The following KSR2 variants were observed in gnomAD, a reference collection of about 807,000 sequenced individuals.
KSR2 encodes the protein kinase suppressor of ras 2.
KSR2 carries 25 observed loss-of-function variants against 107.8 expected under a neutral mutation model. The observed-to-expected ratio is 0.23, with a 90% CI of 0.17 to 0.32. The LOEUF is 0.32. Among genes scored for constraint, KSR2 ranks in the 10% least tolerant of loss-of-function variants. The pLI, the probability that KSR2 is intolerant of heterozygous loss-of-function variation, is 1.00. For synonymous variants in KSR2, 480 were observed against 507.0 expected (o/e 0.95, Z 0.71); for missense variants, 887 against 1,268.9 (o/e 0.70, Z 4.57).
Position 117,483,055 on chromosome 12 carries a change from A to G in KSR2, c.2450+1361T>C, listed in dbSNP as rs926558643. Among the ~76,000 whole-genome samples, 4 of 152,336 alleles carry G rather than the reference A, an allele frequency of 2.6e-5. No individual in the cohort carries two copies. The South Asian group carries it at 8.3e-4, about 32-fold the overall frequency. On this transcript the variant is annotated intron_variant, in intron 16 of 19. Coordinates refer to ENST00000339824, the MANE Select transcript of KSR2 (RefSeq NM_173598.6). Reference sequence around the variant, plus strand: ...AGTCAGAGGGAAGAAGGGATTCTACACAGTCTTGCCCTCCCGGGCTTCTTG... The same window carrying G: ...AGTCAGAGGGAAGAAGGGATTCTACGCAGTCTTGCCCTCCCGGGCTTCTTG...
At chr12:117,505,187 A>T (rs182961216) in intron 14 of KSR2, among the ~76,000 whole-genome samples, 1 of 152,208 alleles carries the variant, frequency 6.6e-6, no homozygotes, top group African/African-American at 2.4e-5. Flanking sequence ...GTGTCTTGGC[A>T]ATTGTGAATT....
intron 5 of KSR2, among the ~76,000 whole-genome samples, chr12:117,656,515 G>A (rs1160569821): frequency 2.0e-5 from 3 of 152,228 alleles, no homozygotes; most frequent in Non-Finnish European, 4.4e-5. Context: ...TCAGGAGGCT[G>A]AGGCAGGAGA....
intron 1 of KSR2, among the ~76,000 whole-genome samples, chr12:117,891,811 A>G (rs1894351251): frequency 6.6e-6 from 1 of 151,692 alleles, no homozygotes; most frequent in Non-Finnish European, 1.5e-5. Flanking sequence ...ACACAGGGAG[A>G]CCCTGTCTCT....
intron 3 of KSR2, among the ~76,000 whole-genome samples, chr12:117,855,105 G>A (rs565539937): frequency 3.9e-5 from 6 of 152,168 alleles, no homozygotes; most frequent in Non-Finnish European, 5.9e-5. Flanking sequence ...GCAAAGCCAC[G>A]TCAGAATGTC....
chr12:117,684,911 G>A (rs944129384), intron 4 of KSR2, among the ~76,000 whole-genome samples: 7 of 152,104 alleles, frequency 4.6e-5, no homozygotes, highest in East Asian at 1.9e-4. Context: ...AGAGTTGATC[G>A]CATGTGTTCC....
intron 3 of KSR2, among the ~76,000 whole-genome samples, chr12:117,830,416 G>A (rs1891916622): frequency 6.6e-6 from 1 of 152,092 alleles, no homozygotes; most frequent in African/African-American, 2.4e-5. Flanking sequence ...CACTACCTGG[G>A]TGATGGGATT....
intron 3 of KSR2, among the ~76,000 whole-genome samples, chr12:117,808,361 T>C (rs1489843096): frequency 6.6e-6 from 1 of 152,012 alleles, no homozygotes; most frequent in Non-Finnish European, 1.5e-5. Context: ...CCCCGCCTCC[T>C]AGATCCTGGG....
chr12:117,742,187 G>C (rs1485465379), intron 4 of KSR2, among the ~76,000 whole-genome samples: 1 of 152,210 alleles, frequency 6.6e-6, no homozygotes, highest in Admixed American at 6.5e-5. Flanking sequence ...ACAGGAGAAA[G>C]CAAGTCCCAG....
At chr12:117,803,275 G>A (rs960759754) in intron 3 of KSR2, among the ~76,000 whole-genome samples, 4 of 152,170 alleles carry the variant, frequency 2.6e-5, no homozygotes, top group Non-Finnish European at 4.4e-5. Context: ...GGGAGCGGAC[G>A]GCAGAGAGGT....
chr12:117,649,257 C>T (rs1025082738), intron 5 of KSR2, among the ~76,000 whole-genome samples: 4 of 152,168 alleles, frequency 2.6e-5, no homozygotes, highest in African/African-American at 9.7e-5. Context: ...CTAACCAACT[C>T]GACTGCAAGT....
At chr12:117,626,051 C>T (rs1593065610) in intron 5 of KSR2, among the ~76,000 whole-genome samples, 1 of 151,986 alleles carries the variant, frequency 6.6e-6, no homozygotes, top group East Asian at 1.9e-4. Flanking sequence ...TGGTGATATC[C>T]CCTTTATCAC....
At chr12:117,550,317 C>A (rs1472548002) in intron 9 of KSR2, among the ~76,000 whole-genome samples, 1 of 152,206 alleles carries the variant, frequency 6.6e-6, no homozygotes, top group African/African-American at 2.4e-5. Context: ...GAAGCACGTT[C>A]ATCACCCAGG....
intron 1 of KSR2, among the ~76,000 whole-genome samples, chr12:117,965,584 A>G (rs542480511): frequency 2.0e-5 from 3 of 152,336 alleles, no homozygotes; most frequent in African/African-American, 7.2e-5. Context: ...AGCACTGTTC[A>G]GGGATCATCT....
chr12:117,528,415 C>T (rs2137247437), intron 12 of KSR2, among the ~76,000 whole-genome samples: 1 of 152,178 alleles, frequency 6.6e-6, no homozygotes, highest in African/African-American at 2.4e-5. Flanking sequence ...ATACCCCACC[C>T]CTCCTTTCCT....
intron 5 of KSR2, among the ~76,000 whole-genome samples, chr12:117,625,688 G>C (rs1882464577): frequency 1.3e-5 from 2 of 152,152 alleles, no homozygotes; most frequent in African/African-American, 4.8e-5. Flanking sequence ...TCTCTGCCAG[G>C]CTTTGGTATC....
intron 1 of KSR2, among the ~76,000 whole-genome samples, chr12:117,924,593 A>AAAG (rs1895451111): frequency 6.7e-6 from 1 of 149,574 alleles, no homozygotes; most frequent in Non-Finnish European, 1.5e-5. Flanking sequence ...AAAAAAAAAA[A>AAAG]AAAGAAAGAA....
chr12:117,794,207 ACAC>A, intron 3 of KSR2, among the ~76,000 whole-genome samples: 1 of 111,242 alleles, frequency 9.0e-6, no homozygotes, highest in Non-Finnish European at 1.8e-5. Flanking sequence ...ATGCACACAT[ACAC>A]CAACATGCAC....
chr12:117,525,338 A>G lies in KSR2; in HGVS notation c.1852-119T>C. 10 of 1,156,584 alleles carry G rather than the reference A, an allele frequency of 8.6e-6. No individual in the cohort carries two copies. In the South Asian group the frequency reaches 1.7e-4, roughly 19 times the overall value. 71.6% of individuals were successfully genotyped at this position (1,156,584 alleles called of 1,614,324 possible). On this transcript the variant is annotated intron_variant, in intron 13 of 19. Transcript: ENST00000339824. ...TGGGCACATCTCTACATGCATTTGG[A>G]GCTTGTGCAGACATACGTCCCTCTG...
At position 117,595,690 on chromosome 12, in the gene KSR2, T is replaced by C. The variant is rs181112040; in HGVS notation, c.1172-13331A>G. On this transcript the variant is annotated intron_variant, in intron 5 of 19. Transcript: ENST00000339824. ...GCTAGATCAAATTCTAATGTGACCA[T>C]TTAAAAGCAGACAGTGCTTCACTGG... Among the ~76,000 whole-genome samples, 15 of 152,316 alleles carry C rather than the reference T, an allele frequency of 9.8e-5. No homozygotes were observed. In the East Asian group the frequency reaches 2.9e-3, roughly 29 times the overall value.
Sources: allele counts gnomAD v4.1 joint callset (sites outside exome capture counted in the v4.1 genomes callset), GRCh38; gene constraint gnomAD v4.1.1; transcripts MANE v1.5; gene names NCBI Gene and HGNC (gene_info 2026-07-23, HGNC 2026-07-21).